The following CHAF1A variants were observed in gnomAD, a reference collection of about 807,000 sequenced individuals.
CHAF1A encodes CAF-1 subunit A.
Under a neutral mutation model 93.2 loss-of-function variants are expected in CHAF1A, and 5 were observed. The ratio of observed to expected loss-of-function variants is 0.05; its 90% CI spans 0.03 to 0.11. The LOEUF (loss-of-function observed/expected upper bound fraction) is 0.11, where lower values mean the gene tolerates loss of function less well. CHAF1A is among the 10% of genes least tolerant of loss of function. The pLI, the probability that CHAF1A is intolerant of heterozygous loss-of-function variation, is 1.00. For missense variants in CHAF1A, 1,102 were observed against 1,259.9 expected (o/e 0.87, Z 1.90); for synonymous variants, 504 against 510.3 (o/e 0.99, Z 0.17).
intron 3 of CHAF1A, among the ~76,000 whole-genome samples, chr19:4,413,747 G>A (rs1365453406): frequency 1.3e-5 from 2 of 152,168 alleles, no homozygotes; most frequent in South Asian, 4.1e-4. Flanking sequence ...GCTTCATGGC[G>A]TGTTTTTGTT....
At chr19:4,412,667 G>A (rs972968347) in intron 3 of CHAF1A, among the ~76,000 whole-genome samples, 15 of 152,198 alleles carry the variant, frequency 9.9e-5, no homozygotes, top group African/African-American at 3.6e-4. Context: ...AATCCTGCCC[G>A]CTTTCTAAAA....
intron 8 of CHAF1A, chr19:4,429,163 C>T: frequency 1.7e-6 from 1 of 590,774 alleles, no homozygotes; most frequent in Non-Finnish European, 3.0e-6. Context: ...ACACCTCGCT[C>T]TTGCAAATCT....
At chr19:4,419,049 T>TC (rs1222132528) in intron 4 of CHAF1A, among the ~76,000 whole-genome samples, 3 of 147,690 alleles carry the variant, frequency 2.0e-5, no homozygotes, top group Non-Finnish European at 4.5e-5. Flanking sequence ...TTTTTTTTTT[T>TC]TTTTGTATTT....
downstream of CHAF1A, chr19:4,445,845 A>G: frequency 3.8e-6 from 4 of 1,047,878 alleles, no homozygotes; most frequent in Non-Finnish European, 5.4e-6. Flanking sequence ...CTCCCATTTG[A>G]TGGGGAAACT....
At chr19:4,447,228 TC>T (rs1336946313), downstream of CHAF1A, 1 of 570,486 alleles carries the variant, frequency 1.8e-6, no homozygotes, top group East Asian at 2.9e-5. Context: ...CCCTGCCCTT[TC>T]CCCCAGAAGA....
At chr19:4,407,247 C>CAA (rs5826845) in intron 2 of CHAF1A, among the ~76,000 whole-genome samples, 2 of 143,390 alleles carry the variant, frequency 1.4e-5, no homozygotes, top group African/African-American at 2.6e-5. Flanking sequence ...ACACCCCCCC[C>CAA]AAAAAAAAAC....
At chr19:4,434,074 C>G (rs997887573) in intron 13 of CHAF1A, among the ~76,000 whole-genome samples, 1 of 152,022 alleles carries the variant, frequency 6.6e-6, no homozygotes, top group Non-Finnish European at 1.5e-5. Flanking sequence ...AGGCCAGGCA[C>G]TGTGGCTCAC....
At chr19:4,402,914 C>G in intron 1 of CHAF1A, 100 bp downstream of exon 1, 1 of 736,126 alleles carries the variant, frequency 1.4e-6, no homozygotes, top group East Asian at 4.0e-5. Flanking sequence ...GGCGCCAAGC[C>G]TGGTCCTGCG....
chr19:4,418,143 C>A (rs1973928032), intron 4 of CHAF1A, 67 bp downstream of exon 4: 2 of 1,076,814 alleles, frequency 1.9e-6, no homozygotes, highest in African/African-American at 1.6e-5. Flanking sequence ...GTAAGCAAAG[C>A]CCTTTGAAGT....
downstream of CHAF1A, chr19:4,445,670 G>A (rs1974495021): frequency 1.3e-6 from 2 of 1,588,062 alleles, no homozygotes; most frequent in Non-Finnish European, 1.7e-6. Flanking sequence ...GTCGGCCCTT[G>A]CCGCGGCAGG....
chr19:4,447,918 G>A, downstream of CHAF1A: 1 of 507,520 alleles, frequency 2.0e-6, no homozygotes, highest in Non-Finnish European at 3.6e-6. Flanking sequence ...TGCCGGAAGA[G>A]TGGAGAGCCA....
chr19:4,413,636 T>C (rs1328516687), intron 3 of CHAF1A, among the ~76,000 whole-genome samples: 1 of 152,222 alleles, frequency 6.6e-6, no homozygotes, highest in African/African-American at 2.4e-5. Flanking sequence ...TCATTGCCAC[T>C]GTACTTTGTG....
At position 4,422,639 on chromosome 19, in the gene CHAF1A, C is replaced by G. The variant is rs1404112546; in HGVS notation, c.1091C>G (p.Ala364Gly). The G allele has an allele frequency of 2.5e-6, 4 of 1,599,020 alleles. No homozygotes were observed. The highest frequency in any genetic ancestry group is 2.7e-5 in the African/African-American group (2 of 74,622). The change falls in exon 5 of 15, where the codon GCC (alanine) becomes GGC (glycine). Residue 364 changes from alanine to glycine, a missense_variant. This residue lies in a region of CHAF1A where 165 missense variants were observed against 243.9 expected (regional missense o/e 0.68). Transcript: ENST00000301280. This position sits in a 1 kb window ranked among gnomAD's most constrained non-coding sequence, Gnocchi z 4.6. ...REEKEKLKEE[A>G]KRAKEEAKKK... ...GAAAAGGAGAAGCTGAAAGAGGAGG[C>G]CAAGCGGGCCAAGGAGGAGGCCAAG...
intron 13 of CHAF1A, among the ~76,000 whole-genome samples, chr19:4,435,474 G>A (rs960568337): frequency 1.3e-5 from 2 of 151,432 alleles, no homozygotes; most frequent in Non-Finnish European, 2.9e-5. Flanking sequence ...CCCAGGCTCA[G>A]GCGATCCTCC....
At chr19:4,420,778 A>G (rs1183240850) in intron 4 of CHAF1A, among the ~76,000 whole-genome samples, 5 of 152,188 alleles carry the variant, frequency 3.3e-5, no homozygotes, top group Non-Finnish European at 5.9e-5. Context: ...ACTAAAAAGA[A>G]AAAGAATTCC....
chr19:4,422,754 G>A lies in CHAF1A; in HGVS notation c.1206G>A (p.Arg402=). 2.5e-6 allele frequency: 4 copies of A among 1,613,094 alleles called. No individual in the cohort carries two copies. In the South Asian group the frequency reaches 3.3e-5, roughly 13 times the overall value. Residue 402 remains arginine (R), a synonymous_variant, in exon 5 of 15, where the codon CGG becomes CGA. Transcript: ENST00000301280. This position sits in a 1 kb window ranked among gnomAD's most constrained non-coding sequence, Gnocchi z 4.6. Reference sequence around the variant, plus strand: ...AGAAGGAGAAGGCGGAGAAGCAGCGGCTCAAGGAGGAGCGGCGCAAGGAGA... The same window carrying A: ...AGAAGGAGAAGGCGGAGAAGCAGCGACTCAAGGAGGAGCGGCGCAAGGAGA... ...KDEKEKAEKQ[R]LKEERRKERQ... is the part of the protein sequence containing the mutation.
At chr19:4,415,506 C>T (rs1024506105) in intron 3 of CHAF1A, among the ~76,000 whole-genome samples, 1 of 152,214 alleles carries the variant, frequency 6.6e-6, no homozygotes, top group Non-Finnish European at 1.5e-5. Flanking sequence ...CAAAGGGCAG[C>T]CCCGGAGAGC....
chr19:4,408,339 C>G (rs1283965627), intron 2 of CHAF1A, among the ~76,000 whole-genome samples: 1 of 151,664 alleles, frequency 6.6e-6, no homozygotes, highest in Admixed American at 6.6e-5. Flanking sequence ...AATGCAGGCG[C>G]CCGCCACCTC....
intron 7 of CHAF1A, among the ~76,000 whole-genome samples, chr19:4,424,902 C>T (rs1489971112): frequency 2.6e-5 from 4 of 152,028 alleles, no homozygotes; most frequent in African/African-American, 4.8e-5. Flanking sequence ...CCCGAAGTGC[C>T]GGGATTATAG....
Sources: gnomAD v4.1 joint callset for allele counts (sites outside exome capture counted in the v4.1 genomes callset) on GRCh38, gnomAD v4.1.1 for gene constraint, gnomAD v4.1.1 regional missense constraint, Gnocchi (gnomAD v3.1) non-coding constraint, MANE v1.5 for transcripts, NCBI Gene and HGNC (gene_info 2026-07-23, HGNC 2026-07-21) for gene names.